Variants in SH3BGR observed in about 807,000 individuals in gnomAD.
SH3BGR encodes the protein SH3 domain binding glutamate rich protein, also known as SH3 domain-binding glutamic acid-rich protein.
A neutral mutation model predicts 24.5 loss-of-function variants in SH3BGR; 29 were observed. That is an observed-to-expected ratio of 1.18 (90% CI 0.88 to 1.61). The LOEUF (loss-of-function observed/expected upper bound fraction) is 1.61, where lower values mean the gene tolerates loss of function less well. SH3BGR is among the 40% of genes most tolerant of loss of function. The probability of loss-of-function intolerance (pLI) is 0.00; values close to 1 mark genes in which losing one functional copy is unlikely to be tolerated. For synonymous variants in SH3BGR, 55 were observed against 65.7 expected (o/e 0.84, Z 0.79); for missense variants, 162 against 205.8 (o/e 0.79, Z 1.30).
At chr21:39,512,911 AAT>A (rs1310975481) in intron 6 of SH3BGR, among the ~76,000 whole-genome samples, 5 of 152,236 alleles carry the variant, frequency 3.3e-5, no homozygotes, top group Admixed American at 3.3e-4. Context: ...TATTATTATT[AAT>A]ATGATTGGCT....
At chr21:39,448,950 C>T (rs2077542799), upstream of SH3BGR, among the ~76,000 whole-genome samples, 1 of 151,228 alleles carries the variant, frequency 6.6e-6, no homozygotes, top group Non-Finnish European at 1.5e-5. Flanking sequence ...AAGGACTGGT[C>T]TTATAAACAT....
upstream of SH3BGR, among the ~76,000 whole-genome samples, chr21:39,450,339 A>G (rs1465820378): frequency 1.2e-4 from 18 of 152,222 alleles, no homozygotes; most frequent in Non-Finnish European, 2.4e-4. Context: ...GTTGAAGCCA[A>G]AAGTTAAATG....
chr21:39,477,324 C>T (rs1247114055), intron 3 of SH3BGR, among the ~76,000 whole-genome samples: 1 of 152,052 alleles, frequency 6.6e-6, no homozygotes, highest in Non-Finnish European at 1.5e-5. Flanking sequence ...TTTTTAGAGA[C>T]AGGATCTTGC....
intron 3 of SH3BGR, among the ~76,000 whole-genome samples, chr21:39,496,484 G>A (rs1045795209): frequency 2.8e-5 from 4 of 144,118 alleles, no homozygotes; most frequent in African/African-American, 1.0e-4. Context: ...TCCGGCCTGG[G>A]CGACAGAGCG....
upstream of SH3BGR, among the ~76,000 whole-genome samples, chr21:39,447,295 A>G (rs1472658163): frequency 6.6e-6 from 1 of 152,002 alleles, no homozygotes; most frequent in Non-Finnish European, 1.5e-5. Context: ...TGACTGGAGG[A>G]ATTGAAAGGT....
intron 3 of SH3BGR, among the ~76,000 whole-genome samples, chr21:39,485,117 A>G (rs1321163675): frequency 1.3e-5 from 2 of 152,236 alleles, no homozygotes; most frequent in Non-Finnish European, 2.9e-5. Flanking sequence ...CATTGGTTCC[A>G]TAAAGTCAAC....
intron 3 of SH3BGR, among the ~76,000 whole-genome samples, chr21:39,482,780 G>C (rs2078151351): frequency 6.6e-6 from 1 of 151,954 alleles, no homozygotes; most frequent in East Asian, 1.9e-4. Flanking sequence ...AGCAATTCTT[G>C]TGCCTCAGCC....
upstream of SH3BGR, among the ~76,000 whole-genome samples, chr21:39,448,300 G>A (rs2077534314): frequency 2.6e-5 from 4 of 152,038 alleles, no homozygotes; most frequent in South Asian, 8.3e-4. Context: ...AGTTATTATG[G>A]TAATCATTTC....
At chr21:39,460,657 A>T (rs2148458508) in intron 1 of SH3BGR, among the ~76,000 whole-genome samples, 1 of 152,088 alleles carries the variant, frequency 6.6e-6, no homozygotes, top group South Asian at 2.1e-4. Context: ...TTTAGTAGAG[A>T]TGGGGTTTCA....
chr21:39,460,392 A>C (rs2077735279), intron 1 of SH3BGR, among the ~76,000 whole-genome samples: 1 of 152,162 alleles, frequency 6.6e-6, no homozygotes, highest in Non-Finnish European at 1.5e-5. Context: ...ACTGAATGAA[A>C]TGCATTTTAG....
intron 2 of SH3BGR, among the ~76,000 whole-genome samples, chr21:39,467,610 C>G (rs1260747681): frequency 6.6e-6 from 1 of 152,096 alleles, no homozygotes; most frequent in Non-Finnish European, 1.5e-5. Context: ...TATGCAGGCT[C>G]AAAATAATGT....
chr21:39,446,607 G>C (rs958583284), intron 1 of SH3BGR, among the ~76,000 whole-genome samples: 6 of 152,104 alleles, frequency 3.9e-5, no homozygotes, highest in Non-Finnish European at 7.4e-5. Flanking sequence ...TCAAAAATTG[G>C]CATCTTTAAT....
upstream of SH3BGR, among the ~76,000 whole-genome samples, chr21:39,448,584 G>A (rs895306024): frequency 7.9e-5 from 12 of 152,098 alleles, no homozygotes; most frequent in African/African-American, 2.9e-4. Context: ...GTCCTACTCG[G>A]GAGGCTGAGG....
intron 4 of SH3BGR, among the ~76,000 whole-genome samples, chr21:39,502,691 G>A (rs903773546): frequency 1.3e-5 from 2 of 152,222 alleles, no homozygotes; most frequent in East Asian, 1.9e-4. Flanking sequence ...TCCTGGGGTC[G>A]TTAGTGGTGA....
At chr21:39,467,459 A>G (rs993017750) in intron 2 of SH3BGR, among the ~76,000 whole-genome samples, 2 of 152,154 alleles carry the variant, frequency 1.3e-5, no homozygotes, top group Non-Finnish European at 2.9e-5. Flanking sequence ...GCTTTGCTTA[A>G]TTTGCTTTTC....
chr21:39,479,229 G>GTGGTGGTGGTGGTGA (rs1555912274), intron 3 of SH3BGR, among the ~76,000 whole-genome samples: 7,695 of 142,028 alleles, frequency 0.054, 472 homozygotes, highest in African/African-American at 0.16. Context: ...GGTAAGGGTG[G>GTGGTGGTGGTGGTGA]TGGTGGTGGT....
intron 4 of SH3BGR, among the ~76,000 whole-genome samples, chr21:39,503,811 A>C (rs1327480222): frequency 6.6e-6 from 1 of 152,220 alleles, no homozygotes; most frequent in East Asian, 1.9e-4. Context: ...TTGAGGCAGG[A>C]GGACTTGGGA....
At chr21:39,489,853 T>A (rs2078270194) in intron 3 of SH3BGR, among the ~76,000 whole-genome samples, 1 of 152,126 alleles carries the variant, frequency 6.6e-6, no homozygotes, top group Non-Finnish European at 1.5e-5. Flanking sequence ...AAGGAAAACA[T>A]TGAATAATAG....
At chr21:39,455,616 G>C (rs964673569) in intron 1 of SH3BGR, among the ~76,000 whole-genome samples, 1 of 152,240 alleles carries the variant, frequency 6.6e-6, no homozygotes, top group Non-Finnish European at 1.5e-5. Flanking sequence ...GACCCTGCAA[G>C]GGGGAGGATT....
Sources: gnomAD v4.1 joint callset for allele counts (sites outside exome capture counted in the v4.1 genomes callset) on GRCh38, gnomAD v4.1.1 for gene constraint, MANE v1.5 for transcripts, NCBI Gene and HGNC (gene_info 2026-07-23, HGNC 2026-07-21) for gene names.